MZT2A: variants seen among roughly 807,000 people sequenced by gnomAD.
The protein encoded by MZT2A is mitotic-spindle organizing protein 2A.
A neutral mutation model predicts 12.4 loss-of-function variants in MZT2A; 8 were observed. The observed-to-expected ratio is 0.64, with a 90% confidence interval of 0.38 to 1.16. The LOEUF (loss-of-function observed/expected upper bound fraction) is 1.16, where lower values mean the gene tolerates loss of function less well. Ranked by LOEUF, MZT2A falls within the 50% of genes most tolerant of loss-of-function variation. MZT2A has a pLI of 0.01. For synonymous variants in MZT2A, 88 were observed against 107.5 expected (o/e 0.82, Z 1.12); for missense variants, 181 against 223.6 (o/e 0.81, Z 1.22).
chr2:131,474,736 A>G (rs1307946924), intron 2 of MZT2A, among the ~76,000 whole-genome samples: 1 of 151,806 alleles, frequency 6.6e-6, no homozygotes, highest in Non-Finnish European at 1.5e-5. Flanking sequence ...TTATTTTCAT[A>G]TAAATTCCTC....
chr2:131,478,032 C>G, intron 2 of MZT2A: 16 of 1,272,802 alleles, frequency 1.3e-5, no homozygotes, highest in Non-Finnish European at 1.6e-5. Flanking sequence ...ACTAACCCTC[C>G]TAGGAAATAT....
At chr2:131,480,949 G>C (rs951739280), downstream of MZT2A, among the ~76,000 whole-genome samples, 3 of 151,912 alleles carry the variant, frequency 2.0e-5, no homozygotes, top group African/African-American at 4.8e-5. Context: ...TGTCAACCAG[G>C]CTGGAGTGCA....
intron 3 of MZT2A, among the ~76,000 whole-genome samples, chr2:131,470,646 C>T (rs562658810): frequency 2.6e-4 from 40 of 151,934 alleles, no homozygotes; most frequent in Middle Eastern, 3.4e-3. Flanking sequence ...AACCTCTGCC[C>T]GAGGTCTTCT....
At chr2:131,482,985 C>T, downstream of MZT2A, 1 of 1,437,870 alleles carries the variant, frequency 7.0e-7, no homozygotes, top group Non-Finnish European at 9.2e-7. Context: ...CCGGTGGGAC[C>T]CTAGAGCCTG....
At chr2:131,493,638 G>A (rs1679437648), upstream of MZT2A, among the ~76,000 whole-genome samples, 1 of 152,132 alleles carries the variant, frequency 6.6e-6, no homozygotes. Flanking sequence ...GGAATGATTA[G>A]CGTTGCCCAA....
At chr2:131,492,152 A>C (rs1679345624) in intron 1 of MZT2A, 55 bp downstream of exon 1, 2 of 1,537,158 alleles carry the variant, frequency 1.3e-6, no homozygotes, top group African/African-American at 2.7e-5. Context: ...GCGTACCCGG[A>C]GAGCAGAGGT....
chr2:131,492,963 G>C, upstream of MZT2A: 2 of 1,524,062 alleles, frequency 1.3e-6, no homozygotes, highest in Non-Finnish European at 1.8e-6. Flanking sequence ...CTGGCCGGCC[G>C]GCCGGCCTTC....
intron 2 of MZT2A, among the ~76,000 whole-genome samples, chr2:131,487,768 GTTTT>G (rs781674056): frequency 1.3e-5 from 2 of 152,304 alleles, no homozygotes; most frequent in Non-Finnish European, 2.9e-5. Context: ...TCACTTTGGG[GTTTT>G]TTGTTTATTT....
chr2:131,492,788 G>GC (rs1331742068), upstream of MZT2A: 2 of 1,351,578 alleles, frequency 1.5e-6, no homozygotes, highest in Admixed American at 4.5e-5. Context: ...CTTCGGGGGG[G>GC]GTGGGGGGCA....
Position 131,492,346 on chromosome 2 carries a change from C to G in MZT2A, c.31G>C (p.Gly11Arg). 6.7e-7 allele frequency: 1 copy of G among 1,486,962 alleles called. No homozygotes were observed. The highest frequency in any genetic ancestry group is 8.9e-7 in the Non-Finnish European group (1 of 1,127,122). 92.1% of individuals were successfully genotyped at this position (1,486,962 alleles called of 1,614,324 possible). A position where few individuals can be genotyped will look rare whatever the true frequency, so the allele number is the denominator to read the frequency against. Reference sequence around the variant, plus strand: ...TCCAGCCCCGGGGGCGCCGCCGACCCCGGCCCAGGCCCTACGCCCTGCGCC... The same window carrying G: ...TCCAGCCCCGGGGGCGCCGCCGACCGCGGCCCAGGCCCTACGCCCTGCGCC... MAAQGVGPGP[G>R]SAAPPGLEAA... Residue 11 changes from glycine (G) to arginine (R), a missense_variant, in exon 1 of 3, where the codon GGG becomes CGG. This residue lies in a region of MZT2A where 106 missense variants were observed against 127.2 expected (regional missense o/e 0.83). Coordinates refer to ENST00000309451, the MANE Select transcript of MZT2A (RefSeq NM_001085365.2).
chr2:131,480,126 A>C, downstream of MZT2A: 1 of 1,613,268 alleles, frequency 6.2e-7, no homozygotes, highest in African/African-American at 1.3e-5. Flanking sequence ...TGGGGGCGGC[A>C]CTGGCTCTGG....
At chr2:131,478,075 T>C in intron 2 of MZT2A, 2 of 1,517,644 alleles carry the variant, frequency 1.3e-6, no homozygotes, top group African/African-American at 1.4e-5. Context: ...TGAAGCAGTA[T>C]ATAAATATTA....
At chr2:131,472,934 G>C (rs1244100751) in intron 2 of MZT2A, among the ~76,000 whole-genome samples, 1 of 149,620 alleles carries the variant, frequency 6.7e-6, no homozygotes, top group South Asian at 2.1e-4. Flanking sequence ...AATATTAGAC[G>C]CTGAAGCTCT....
At position 131,471,443 on chromosome 2, in the gene MZT2A, CA is replaced by C. The variant is rs544344844; in HGVS notation, c.393+624del. ...CTGGTGACAGAGAGAGACTCTGTCT[CA>C]AAAAAAAAAAAAAGAAAAAAAGAAA... On this transcript the variant is annotated intron_variant and NMD_transcript_variant, in intron 3 of 4. Coordinates refer to the MZT2A transcript ENST00000427024. Among the ~76,000 whole-genome samples, 275 of 59,312 alleles carry C rather than the reference CA, an allele frequency of 4.6e-3. 3 individuals carry two copies. Among genetic ancestry groups the C allele is most frequent in the South Asian group, 0.036 (80 of 2,204 alleles). 38.9% of individuals were successfully genotyped at this position (59,312 alleles called of 152,430 possible). A position where few individuals can be genotyped will look rare whatever the true frequency, so the allele number is the denominator to read the frequency against.
chr2:131,478,621 G>A, intron 2 of MZT2A: 2 of 712,408 alleles, frequency 2.8e-6, no homozygotes, highest in Non-Finnish European at 4.5e-6. Context: ...GCAGTAAGAT[G>A]GGCTGTGAAG....
upstream of MZT2A, chr2:131,492,995 T>G: frequency 1.3e-6 from 2 of 1,509,986 alleles, no homozygotes; most frequent in Non-Finnish European, 8.9e-7. Context: ...CACGTACCTT[T>G]TGAGGTAACG....
chr2:131,484,321 C>T, intron 2 of MZT2A, 103 bp from the exon 3 acceptor site: 7 of 1,522,596 alleles, frequency 4.6e-6, no homozygotes, highest in Non-Finnish European at 6.2e-6. Context: ...TACACATTTC[C>T]ATCAAAGTCG....
chr2:131,488,982 A>G (rs1679171140), intron 2 of MZT2A, among the ~76,000 whole-genome samples: 1 of 118,266 alleles, frequency 8.5e-6, no homozygotes, highest in Non-Finnish European at 1.7e-5. Flanking sequence ...CAACCCCCAC[A>G]TACATCTTGA....
chr2:131,470,467 A>C, intron 3 of MZT2A: 1 of 349,504 alleles, frequency 2.9e-6, no homozygotes, highest in Non-Finnish European at 5.6e-6. Flanking sequence ...TTAAAGCCAC[A>C]GATGGGAGAA....
Sources: gnomAD v4.1 joint callset for allele counts (sites outside exome capture counted in the v4.1 genomes callset) on GRCh38, gnomAD v4.1.1 for gene constraint, gnomAD v4.1.1 regional missense constraint, MANE v1.5 for transcripts, NCBI Gene and HGNC (gene_info 2026-07-23, HGNC 2026-07-21) for gene names.